Variants in ACOT7 observed in about 807,000 individuals in gnomAD.
ACOT7 encodes cytosolic acyl coenzyme A thioester hydrolase.
ACOT7 carries 12 observed loss-of-function variants against 40.2 expected under a neutral mutation model. The observed-to-expected ratio is 0.30, with a 90% confidence interval of 0.19 to 0.48. The LOEUF (loss-of-function observed/expected upper bound fraction) is 0.48. Ranked by LOEUF, ACOT7 falls within the 20% of genes least tolerant of loss-of-function variation. The pLI, the probability that ACOT7 is intolerant of heterozygous loss-of-function variation, is 0.99. For missense variants in ACOT7, 395 were observed against 530.8 expected, an observed-to-expected ratio of 0.74 and a Z score of 2.51; for synonymous variants, 228 against 219.5, an observed-to-expected ratio of 1.04 and a Z score of -0.34.
chr1:6,267,082 T>C (rs1170406972), intron 8 of ACOT7, among the ~76,000 whole-genome samples: 1 of 151,948 alleles, frequency 6.6e-6, no homozygotes. Context: ...GGCAAGGAGC[T>C]TGGAAAGAAA....
chr1:6,323,740 ATATATATAT>A (rs1557650629), intron 5 of ACOT7, among the ~76,000 whole-genome samples: 816 of 77,918 alleles, frequency 0.01, 16 homozygotes, highest in African/African-American at 0.063. Flanking sequence ...AAAAAAAAAT[ATATATATAT>A]ATATATATAT....
chr1:6,346,746 G>A (rs1410783342), intron 2 of ACOT7, among the ~76,000 whole-genome samples: 4 of 152,232 alleles, frequency 2.6e-5, no homozygotes, highest in Admixed American at 2.6e-4. Flanking sequence ...AGGTGATCGG[G>A]TGATCGGAAG....
At chr1:6,318,456 G>A (rs917204161) in intron 6 of ACOT7, 36 bp downstream of exon 6, 6 of 1,600,482 alleles carry the variant, frequency 3.7e-6, no homozygotes, top group Non-Finnish European at 5.1e-6. Flanking sequence ...TGAGCCAAGG[G>A]ACAGGAATGG....
At chr1:6,360,742 T>G in intron 1 of ACOT7, 1 of 1,594,384 alleles carries the variant, frequency 6.3e-7, no homozygotes. Context: ...CTGTGCCCTT[T>G]GGACTTGGCC....
intron 1 of ACOT7, among the ~76,000 whole-genome samples, chr1:6,379,241 C>A (rs1642290662): frequency 6.6e-6 from 1 of 151,748 alleles, no homozygotes. Flanking sequence ...GATAAATGAC[C>A]CTCAGGTATA....
chr1:6,347,284 A>T (rs905035011), intron 2 of ACOT7, among the ~76,000 whole-genome samples: 1 of 152,174 alleles, frequency 6.6e-6, no homozygotes. Flanking sequence ...CTCCAAGCCA[A>T]TGTGTCAAAA....
chr1:6,386,812 T>TTGCACCAC (rs1642448105), intron 1 of ACOT7, among the ~76,000 whole-genome samples: 1 of 152,182 alleles, frequency 6.6e-6, no homozygotes, highest in Non-Finnish European at 1.5e-5. Flanking sequence ...AGAACCATGA[T>TTGCACCAC]TGCACCACTG....
intron 8 of ACOT7, among the ~76,000 whole-genome samples, chr1:6,277,439 G>A (rs939864965): frequency 1.3e-5 from 2 of 152,190 alleles, no homozygotes; most frequent in African/African-American, 2.4e-5. Context: ...AACCTGCACT[G>A]AAGCCTGTTC....
In ACOT7 at chr1:6,275,424, A is replaced by AAGGCAAGGTAAAGATGGCCACAGCT. The variant is rs1199162779; in HGVS notation, c.1014+5653_1014+5677dup. On this transcript the variant is annotated intron_variant, in intron 8 of 8. Coordinates refer to ENST00000361521, the MANE Select transcript of ACOT7 (RefSeq NM_007274.4). This position sits in a 1 kb window ranked among gnomAD's most constrained non-coding sequence, Gnocchi z 5.6. ...CTGGCTATGCATGAGGCAGCTCTGA[A>AAGGCAAGGTAAAGATGGCCACAGCT]AGGCAAGGTAAAGATGGCCACAGCT... 2.6e-5 allele frequency among the ~76,000 whole-genome samples: 4 copies of AAGGCAAGGTAAAGATGGCCACAGCT among 152,148 alleles called. No homozygotes were observed. The highest frequency in any genetic ancestry group is 5.9e-5 in the Non-Finnish European group (4 of 68,010).
chr1:6,292,953 G>A (rs543760498), intron 7 of ACOT7, among the ~76,000 whole-genome samples: 3 of 146,742 alleles, frequency 2.0e-5, no homozygotes, highest in South Asian at 2.2e-4. Flanking sequence ...GCAGTGGCGC[G>A]ATCTCGGCTC....
chr1:6,378,526 A>G (rs1642278290), intron 1 of ACOT7, among the ~76,000 whole-genome samples: 1 of 151,934 alleles, frequency 6.6e-6, no homozygotes, highest in Admixed American at 6.5e-5. Flanking sequence ...CAAGGCTCAG[A>G]GAAGCTCCCA....
chr1:6,367,677 C>T (rs1642042178), intron 1 of ACOT7, among the ~76,000 whole-genome samples: 1 of 152,178 alleles, frequency 6.6e-6, no homozygotes, highest in Non-Finnish European at 1.5e-5. Context: ...AACTGCAGGG[C>T]CCCAAAGAGG....
At position 6,264,389 on chromosome 1, in the gene ACOT7, G is replaced by A; in HGVS notation, c.*208C>T. On this transcript the variant is annotated 3_prime_UTR_variant, in exon 9 of 9. Coordinates refer to ENST00000361521, the MANE Select transcript of ACOT7 (RefSeq NM_007274.4). ...CTCCCGGCGCTCGGGACAACACTGT[G>A]TAGCATTGATACTGGAATGATATAA... The A allele has an allele frequency of 1.7e-6, 1 of 592,240 alleles. No homozygotes were observed. The highest frequency in any genetic ancestry group is 2.1e-5 in the South Asian group (1 of 48,148). The allele number at this position is 592,240 out of a possible 1,614,324, so 36.7% of individuals were successfully genotyped here.
intron 1 of ACOT7, among the ~76,000 whole-genome samples, chr1:6,351,761 A>G (rs1191893467): frequency 4.6e-5 from 7 of 152,222 alleles, no homozygotes; most frequent in African/African-American, 1.4e-4. Flanking sequence ...GGAGCCACAC[A>G]CAGCAGGCTG....
intron 1 of ACOT7, among the ~76,000 whole-genome samples, chr1:6,364,468 G>A (rs1404855399): frequency 2.0e-5 from 3 of 151,112 alleles, no homozygotes; most frequent in African/African-American, 7.3e-5. Flanking sequence ...TTGAAGCCGG[G>A]AGGCAGAAGT....
At chr1:6,390,430 G>A (rs1462261873) in intron 1 of ACOT7, among the ~76,000 whole-genome samples, 1 of 150,812 alleles carries the variant, frequency 6.6e-6, no homozygotes. Context: ...AAATTAGCTG[G>A]GCACGGTGGT....
chr1:6,326,855 C>T (rs1640811359), intron 5 of ACOT7, among the ~76,000 whole-genome samples: 1 of 151,706 alleles, frequency 6.6e-6, no homozygotes, highest in South Asian at 2.1e-4. Context: ...TCACTTGAAC[C>T]CAGGAGGCAG....
At position 6,336,426 on chromosome 1, in the gene ACOT7, G is replaced by A. The variant is rs368442984; in HGVS notation, c.419-2858C>T. ...ATTCACAGCAATCACATCCCAGTTA[G>A]CTTAATATTTTGACAGTTGCTGGAG... is the stretch of plus-strand genomic sequence containing the variant. On this transcript the variant is annotated intron_variant, in intron 3 of 8. Coordinates refer to ENST00000361521, the MANE Select transcript of ACOT7 (RefSeq NM_007274.4). Among the ~76,000 whole-genome samples the A allele has an allele frequency of 5.5e-4, 83 of 151,524 alleles. 2 individuals carry two copies. The South Asian group carries it at 0.016, about 29-fold the overall frequency.
chr1:6,267,144 G>C (rs1638874654), intron 8 of ACOT7, among the ~76,000 whole-genome samples: 2 of 152,240 alleles, frequency 1.3e-5, no homozygotes, highest in Non-Finnish European at 2.9e-5. Flanking sequence ...AAGGCAGCTG[G>C]AGTGAGAAGG....
Sources: gnomAD v4.1 joint callset for allele counts (sites outside exome capture counted in the v4.1 genomes callset) on GRCh38, gnomAD v4.1.1 for gene constraint, Gnocchi (gnomAD v3.1) non-coding constraint, MANE v1.5 for transcripts, NCBI Gene and HGNC (gene_info 2026-07-23, HGNC 2026-07-21) for gene names.